C1QTNF5: variants seen among roughly 807,000 people sequenced by gnomAD.
C1QTNF5 encodes the protein complement C1q tumor necrosis factor-related protein 5.
C1QTNF5 carries 5 observed loss-of-function variants against 10.9 expected under a neutral mutation model. The observed-to-expected ratio is 0.46, with a 90% CI of 0.24 to 0.97. C1QTNF5 has a LOEUF of 0.97. Among genes scored for constraint, C1QTNF5 ranks in the 50% least tolerant of loss-of-function variants. The probability of loss-of-function intolerance (pLI) is 0.19; values close to 1 mark genes in which losing one functional copy is unlikely to be tolerated. For missense variants in C1QTNF5, 281 were observed against 339.4 expected, an observed-to-expected ratio of 0.83 and a Z score of 1.35; for synonymous variants, 161 against 156.5, an observed-to-expected ratio of 1.03 and a Z score of -0.22.
chr11:119,345,550 C>T (rs372117205), upstream of C1QTNF5: 17 of 1,613,924 alleles, frequency 1.1e-5, no homozygotes, highest in African/African-American at 5.3e-5. Flanking sequence ...ATATGCCACA[C>T]GCAGTGGGTG....
upstream of C1QTNF5, chr11:119,341,892 G>C: frequency 6.2e-7 from 1 of 1,613,986 alleles, no homozygotes; most frequent in Non-Finnish European, 8.5e-7. Context: ...ACCTCCTCCT[G>C]GGTGATCATG....
At chr11:119,345,724 C>T (rs1291464287), upstream of C1QTNF5, 2 of 1,613,044 alleles carry the variant, frequency 1.2e-6, no homozygotes, top group South Asian at 1.1e-5. Flanking sequence ...CTCAACCCCA[C>T]CCCGTCATCT....
chr11:119,345,419 C>G (rs1226217440), upstream of C1QTNF5: 1 of 1,613,720 alleles, frequency 6.2e-7, no homozygotes, highest in African/African-American at 1.3e-5. Context: ...GAGGGACCTA[C>G]CTGAGGAGGG....
At chr11:119,341,864 C>A (rs750160394), upstream of C1QTNF5, 57 of 1,610,448 alleles carry the variant, frequency 3.5e-5, no homozygotes, top group Non-Finnish European at 4.7e-5. Context: ...GACCTTGTAA[C>A]CGCTGAGGAC....
chr11:119,342,484 G>T, upstream of C1QTNF5: 1 of 1,421,464 alleles, frequency 7.0e-7, no homozygotes. Context: ...GGTGAGGCCA[G>T]CTGGCCCCGC....
chr11:119,344,060 G>C (rs539903918), upstream of C1QTNF5: 3 of 1,504,806 alleles, frequency 2.0e-6, no homozygotes, highest in African/African-American at 2.7e-5. Flanking sequence ...TGGCTGGGGG[G>C]ATGGGGTGGT....
upstream of C1QTNF5, among the ~76,000 whole-genome samples, chr11:119,343,516 CA>C (rs942452965): frequency 1.3e-5 from 2 of 151,472 alleles, no homozygotes; most frequent in East Asian, 1.9e-4. Flanking sequence ...CACTCTGCCT[CA>C]AAAAAAGAAG....
At position 119,339,863 on chromosome 11, in the gene C1QTNF5, G is replaced by A. The variant is rs748289236; in HGVS notation, c.215-15C>T. ...TCCCGGCAGTCCTGCGGGGTAAGCG[G>A]GGCGGCAGGGTGAGAGTAGCGGCGG... On this transcript the variant is annotated splice_polypyrimidine_tract_variant and intron_variant, in intron 2 of 2. Transcript: ENST00000528368. The surrounding 1 kb of genome is among the most constrained non-coding windows in gnomAD (Gnocchi z 5.4). The A allele has an allele frequency of 1.4e-5, 21 of 1,459,852 alleles. No homozygotes were observed. In the South Asian group the frequency reaches 2.9e-4, roughly 20 times the overall value. 90.4% of individuals were successfully genotyped at this position (1,459,852 alleles called of 1,614,324 possible).
At chr11:119,345,639 G>T, upstream of C1QTNF5, 1 of 1,613,506 alleles carries the variant, frequency 6.2e-7, no homozygotes. Flanking sequence ...ACAGGCTGCA[G>T]AGATGGAGGT....
chr11:119,345,560 G>A, upstream of C1QTNF5: 2 of 1,614,062 alleles, frequency 1.2e-6, no homozygotes, highest in South Asian at 1.1e-5. Context: ...CGCAGTGGGT[G>A]TTGGGGGGGT....
chr11:119,342,743 G>T (rs560280998), upstream of C1QTNF5: 15 of 1,613,522 alleles, frequency 9.3e-6, no homozygotes, highest in African/African-American at 1.3e-4. Context: ...GGCACAAGGG[G>T]CATGGCAGTG....
Position 119,339,014 on chromosome 11 carries a change from T to C in C1QTNF5, c.*317A>G. On this transcript the variant is annotated 3_prime_UTR_variant, in exon 3 of 3. Transcript: ENST00000528368. This position sits in a 1 kb window ranked among gnomAD's most constrained non-coding sequence, Gnocchi z 5.4. ...CAGGAGCAGGAGGGGGTGGGGAGGA[T>C]CCAGAGAAGCAGAGGACCAGGAAGA... The C allele has an allele frequency of 3.4e-6, 1 of 294,676 alleles. No homozygotes were observed. The highest frequency in any genetic ancestry group is 6.3e-6 in the Non-Finnish European group (1 of 157,542). The allele number at this position is 294,676 out of a possible 1,614,324, so 18.3% of individuals were successfully genotyped here.
upstream of C1QTNF5, chr11:119,342,612 G>C (rs766197375): frequency 2.6e-5 from 42 of 1,613,296 alleles, no homozygotes; most frequent in Non-Finnish European, 3.5e-5. Context: ...GTGGGAACAA[G>C]GGGCCGCTGC....
At position 119,339,637 on chromosome 11, in the gene C1QTNF5, C is replaced by T. The variant is rs1271035540; in HGVS notation, c.426G>A (p.Lys142=). ...EQGHYDAVTG[K]FTCQVPGVYY... ...AGACCCCAGGCACCTGGCAGGTGAA[C>T]TTGCCGGTGACGGCGTCGTAATGTC... Residue 142 remains lysine, a synonymous_variant, in exon 3 of 3, where the codon AAG becomes AAA. Transcript: ENST00000528368. This position sits in a 1 kb window ranked among gnomAD's most constrained non-coding sequence, Gnocchi z 5.4. 1.2e-6 allele frequency: 2 copies of T among 1,612,910 alleles called. No homozygotes were observed. The highest frequency in any genetic ancestry group is 1.7e-6 in the Non-Finnish European group (2 of 1,180,042).
upstream of C1QTNF5, chr11:119,344,729 A>C (rs375851859): frequency 6.2e-6 from 10 of 1,613,912 alleles, no homozygotes; most frequent in African/African-American, 1.3e-4. Context: ...TGAGCTGGTC[A>C]CAGCGGAACT....
In C1QTNF5 at chr11:119,339,324, G is replaced by A. The variant is rs537084889; in HGVS notation, c.*7C>T. On this transcript the variant is annotated 3_prime_UTR_variant, in exon 3 of 3. Transcript: ENST00000528368. This position sits in a 1 kb window ranked among gnomAD's most constrained non-coding sequence, Gnocchi z 5.4. ...AGTGAGAGCATGAGCTCACTTTGCAGTGGGCACTAAGCAAAGACTGGGGAG... is the reference window on the plus strand; with the variant it reads ...AGTGAGAGCATGAGCTCACTTTGCAATGGGCACTAAGCAAAGACTGGGGAG... 7 of 1,611,780 alleles carry A rather than the reference G, an allele frequency of 4.3e-6. No individual in the cohort carries two copies. Among genetic ancestry groups the A allele is most frequent in the African/African-American group, 4.0e-5 (3 of 75,028 alleles).
chr11:119,341,951 C>A (rs774480711), upstream of C1QTNF5: 1 of 1,613,918 alleles, frequency 6.2e-7, no homozygotes, highest in Non-Finnish European at 8.5e-7. Flanking sequence ...CAGACCGAGG[C>A]ACATCTCCAC....
At chr11:119,344,266 G>A, upstream of C1QTNF5, 3 of 1,544,004 alleles carry the variant, frequency 1.9e-6, no homozygotes, top group Non-Finnish European at 2.7e-6. Flanking sequence ...TTGGGGATCA[G>A]GTGCTTCCGT....
upstream of C1QTNF5, among the ~76,000 whole-genome samples, chr11:119,345,193 A>T (rs1405580778): frequency 6.6e-6 from 1 of 152,128 alleles, no homozygotes; most frequent in Non-Finnish European, 1.5e-5. Flanking sequence ...TGTAGCATCT[A>T]CTCATGGGGA....
Sources: gnomAD v4.1 joint callset for allele counts (sites outside exome capture counted in the v4.1 genomes callset) on GRCh38, gnomAD v4.1.1 for gene constraint, Gnocchi (gnomAD v3.1) non-coding constraint, MANE v1.5 for transcripts, NCBI Gene and HGNC (gene_info 2026-07-23, HGNC 2026-07-21) for gene names.